Variants in SGCE observed in about 807,000 individuals in gnomAD.
SGCE encodes the protein sarcoglycan epsilon.
Under a neutral mutation model 57.8 loss-of-function variants are expected in SGCE, and 26 were observed. That is an observed-to-expected ratio of 0.45 (90% confidence interval 0.33 to 0.62). The LOEUF (loss-of-function observed/expected upper bound fraction) is 0.62. Ranked by LOEUF, SGCE falls within the 20% of genes least tolerant of loss-of-function variation. The pLI is 0.02. For missense variants in SGCE, 468 were observed against 548.6 expected, an observed-to-expected ratio of 0.85 and a Z score of 1.47; for synonymous variants, 183 against 189.5, an observed-to-expected ratio of 0.97 and a Z score of 0.28.
intron 1 of SGCE, among the ~76,000 whole-genome samples, chr7:94,649,463 G>C (rs1760192644): frequency 6.6e-6 from 1 of 152,182 alleles, no homozygotes; most frequent in Non-Finnish European, 1.5e-5. Context: ...CAGAGCCAGA[G>C]CAAGCAAGCA....
At position 94,598,922 on chromosome 7, in the gene SGCE, T is replaced by G. The variant is rs753092622; in HGVS notation, c.1106A>C (p.Lys369Thr). The G allele has an allele frequency of 1.9e-6, 3 of 1,613,980 alleles. No homozygotes were observed. Among genetic ancestry groups the G allele is most frequent in the Non-Finnish European group, 2.5e-6 (3 of 1,179,900 alleles). ...VHHSAIQKSTKELRDMSKNRE... is the reference protein window; with the variant it reads ...VHHSAIQKSTTELRDMSKNRE... The stretch of plus-strand genomic sequence containing the variant: ...ATTCTTGGACATGTCTCGAAGCTCC[T>G]TGGTAGATTTCTGAATAGCACTGTG... Residue 369 changes from lysine (K) to threonine (T), a missense_variant, in exon 9 of 11, where the codon AAG becomes ACG. Lys to Thr is a moderately conservative substitution (Grantham distance 78). Coordinates refer to ENST00000648936, the MANE Select transcript of SGCE (RefSeq NM_003919.3).
chr7:94,646,409 G>A (rs1164211921), intron 1 of SGCE, among the ~76,000 whole-genome samples: 5 of 152,124 alleles, frequency 3.3e-5, no homozygotes, highest in Non-Finnish European at 7.4e-5. Flanking sequence ...CTGCTCCTTT[G>A]CTCAAATAGC....
intron 5 of SGCE, among the ~76,000 whole-genome samples, chr7:94,610,761 A>C (rs531173778): frequency 6.6e-6 from 1 of 152,338 alleles, no homozygotes. Flanking sequence ...ATATTTAATA[A>C]AGGACTTGTA....
At chr7:94,619,833 A>T (rs1429764242) in intron 4 of SGCE, 1 of 152,212 alleles carries the variant, frequency 6.6e-6, no homozygotes, top group Non-Finnish European at 1.5e-5. Flanking sequence ...AGAGAGGTCC[A>T]GAAGCTTATC....
chr7:94,596,320 T>C (rs1055363930), intron 9 of SGCE, among the ~76,000 whole-genome samples: 7 of 152,118 alleles, frequency 4.6e-5, no homozygotes, highest in Non-Finnish European at 1.0e-4. Flanking sequence ...TTTCAATATA[T>C]GTGGTTAGAA....
At chr7:94,598,053 T>G (rs1798677404) in intron 9 of SGCE, 1 of 161,334 alleles carries the variant, frequency 6.2e-6, no homozygotes, top group Non-Finnish European at 1.4e-5. Flanking sequence ...AAATAACAGT[T>G]TTACCCACCA....
chr7:94,610,881 A>G (rs769942907), intron 5 of SGCE, among the ~76,000 whole-genome samples: 17 of 152,234 alleles, frequency 1.1e-4, no homozygotes, highest in Non-Finnish European at 2.5e-4. Flanking sequence ...CAGATATCTA[A>G]TATGCATATG....
At chr7:94,589,138 C>T in intron 9 of SGCE, 1 of 215,564 alleles carries the variant, frequency 4.6e-6, no homozygotes, top group East Asian at 1.0e-4. Context: ...CACACATTTT[C>T]ATGGAACAAC....
At chr7:94,610,751 A>G (rs1175638747) in intron 5 of SGCE, among the ~76,000 whole-genome samples, 2 of 152,356 alleles carry the variant, frequency 1.3e-5, no homozygotes, top group Middle Eastern at 3.4e-3. Flanking sequence ...TGCAAATCAT[A>G]TATTTAATAA....
At chr7:94,611,338 T>C (rs1800993385) in intron 5 of SGCE, among the ~76,000 whole-genome samples, 1 of 152,198 alleles carries the variant, frequency 6.6e-6, no homozygotes, top group South Asian at 2.1e-4. Flanking sequence ...TGATTTATTC[T>C]ACAACATAGA....
chr7:94,634,388 T>G (rs186223541), intron 1 of SGCE, among the ~76,000 whole-genome samples: 1 of 152,316 alleles, frequency 6.6e-6, no homozygotes, highest in East Asian at 1.9e-4. Context: ...ACTGTTTGGT[T>G]GCCTTGTCAT....
intron 3 of SGCE, chr7:94,626,950 T>C (rs1803813268): frequency 6.6e-6 from 1 of 152,062 alleles, no homozygotes; most frequent in African/African-American, 2.4e-5. Context: ...ATGACAATTA[T>C]GCTGTTTTTC....
chr7:94,648,019 A>T (rs1279416813), intron 1 of SGCE, among the ~76,000 whole-genome samples: 1 of 152,164 alleles, frequency 6.6e-6, no homozygotes, highest in Non-Finnish European at 1.5e-5. Flanking sequence ...CGAGCTGTGT[A>T]TTCCCTAGCA....
intron 10 of SGCE, chr7:94,588,034 C>T: frequency 7.3e-7 from 1 of 1,376,134 alleles, no homozygotes. Context: ...GCAATTAGAA[C>T]TAGGAATCAA....
intron 5 of SGCE, among the ~76,000 whole-genome samples, chr7:94,613,556 G>T (rs1801398409): frequency 6.6e-6 from 1 of 152,116 alleles, no homozygotes; most frequent in African/African-American, 2.4e-5. Flanking sequence ...TTCTTGTGAA[G>T]AATTTTTTTT....
At chr7:94,636,836 G>A (rs1805656801) in intron 1 of SGCE, among the ~76,000 whole-genome samples, 1 of 152,150 alleles carries the variant, frequency 6.6e-6, no homozygotes, top group Admixed American at 6.5e-5. Flanking sequence ...GGGCAAGGCG[G>A]GCAGATCACC....
intron 6 of SGCE, among the ~76,000 whole-genome samples, chr7:94,601,377 C>G (rs1038509386): frequency 1.5e-5 from 2 of 132,586 alleles, no homozygotes; most frequent in Non-Finnish European, 3.1e-5. Flanking sequence ...ACAGAAGTAA[C>G]TTTTATGGAA....
intron 9 of SGCE, among the ~76,000 whole-genome samples, chr7:94,596,729 T>C (rs1798455591): frequency 6.6e-6 from 1 of 152,194 alleles, no homozygotes; most frequent in Non-Finnish European, 1.5e-5. Context: ...CTAAGTATAC[T>C]GAATTCATCA....
chr7:94,652,089 G>C (rs1346473618), intron 1 of SGCE, among the ~76,000 whole-genome samples: 2 of 152,072 alleles, frequency 1.3e-5, no homozygotes, highest in Non-Finnish European at 2.9e-5. Flanking sequence ...CTGTCTGTCT[G>C]TCTGTCTCTG....
Sources: gnomAD v4.1 joint callset for allele counts (sites outside exome capture counted in the v4.1 genomes callset) on GRCh38, gnomAD v4.1.1 for gene constraint, MANE v1.5 for transcripts, NCBI Gene and HGNC (gene_info 2026-07-23, HGNC 2026-07-21) for gene names.